Variants in WDR17 observed in about 807,000 individuals in gnomAD.
The protein encoded by WDR17 is WD repeat-containing protein 17.
WDR17 carries 143 observed loss-of-function variants against 161.7 expected under a neutral mutation model. The observed-to-expected ratio is 0.88, with a 90% CI of 0.77 to 1.02. The LOEUF (loss-of-function observed/expected upper bound fraction) is 1.02. Ranked by LOEUF, WDR17 falls within the 50% of genes least tolerant of loss-of-function variation. The probability of loss-of-function intolerance (pLI) is 0.00; values close to 1 mark genes in which losing one functional copy is unlikely to be tolerated. For synonymous variants in WDR17, 517 were observed against 515.6 expected (o/e 1.00, Z -0.04); for missense variants, 1,469 against 1,520.9 (o/e 0.97, Z 0.57).
rs1309846992 is a variant in WDR17 at position 176,150,294 on chromosome 4, T to A, written c.2178+121T>A. 2.0e-6 allele frequency: 3 copies of A among 1,480,006 alleles called. No homozygotes were observed. In the African/African-American group the frequency reaches 4.2e-5, roughly 21 times the overall value. 91.7% of individuals were successfully genotyped at this position (1,480,006 alleles called of 1,614,324 possible). On this transcript the variant is annotated intron_variant, in intron 15 of 28. Transcript: ENST00000508596. Reference sequence around the variant, plus strand: ...ATTCATTGGGTAACTCTTACCATAATCTGTGCACTATAAGAAAGCAAATGT... The same window carrying A: ...ATTCATTGGGTAACTCTTACCATAAACTGTGCACTATAAGAAAGCAAATGT...
chr4:176,150,028 A>G lies in WDR17; in HGVS notation c.2048-15A>G. The G allele has an allele frequency of 6.2e-7, 1 of 1,612,544 alleles. No individual in the cohort carries two copies. The highest frequency in any genetic ancestry group is 8.5e-7 in the Non-Finnish European group (1 of 1,179,576). ...ATGAGAAATCTTTTCTCACTGAATTATGTCTGTTCTTCAGATTATGCTATA... is the reference window on the plus strand; with the variant it reads ...ATGAGAAATCTTTTCTCACTGAATTGTGTCTGTTCTTCAGATTATGCTATA... On this transcript the variant is annotated splice_polypyrimidine_tract_variant and intron_variant, in intron 14 of 28. Transcript: ENST00000508596.
Position 176,115,926 on chromosome 4 carries a change from T to A in WDR17, c.254T>A (p.Ile85Asn), listed in dbSNP as rs770541830. The A allele has an allele frequency of 7.5e-6, 12 of 1,610,670 alleles. No individual in the cohort carries two copies. The highest frequency in any genetic ancestry group is 1.0e-5 in the Non-Finnish European group (12 of 1,178,222). Residue 85 changes from isoleucine (I) to asparagine (N), a missense_variant, in exon 3 of 29, where the codon ATC becomes AAC. By Grantham distance (149) the Ile-to-Asn change is moderately radical. Transcript: ENST00000508596. ...AGTGGCAGTACTGATAATTTAGTGA[T>A]CATTTGGAATGTTGCAGAACAAAAA... is the stretch of plus-strand genomic sequence containing the variant. ...FASGSTDNLV[I>N]IWNVAEQKVI...
rs191493936 is a variant in WDR17, at chr4:176,150,128, T to A, written c.2133T>A (p.Ala711=). 1 of 1,613,852 alleles carries A rather than the reference T, an allele frequency of 6.2e-7. No homozygotes were observed. Among genetic ancestry groups the A allele is most frequent in the African/African-American group, 1.3e-5 (1 of 75,048 alleles). Residue 711 remains alanine (A), a synonymous_variant, in exon 15 of 29, where the codon GCT becomes GCA. Transcript: ENST00000508596. ...DIRQEIEKLT[A]NSQVKKLRWF... ...GACAGGAAATAGAAAAACTAACTGC[T>A]AATTCTCAAGTGAAAAAACTAAGAT...
intron 1 of WDR17, among the ~76,000 whole-genome samples, chr4:176,071,183 C>A (rs1427188833): frequency 6.6e-6 from 1 of 151,728 alleles, no homozygotes; most frequent in Non-Finnish European, 1.5e-5. Context: ...TTTTGCCACA[C>A]CCTGTTGAAG....
intron 6 of WDR17, among the ~76,000 whole-genome samples, chr4:176,130,824 T>C (rs5016796): frequency 0.38 from 58,010 of 151,814 alleles, 11,481 homozygotes; most frequent in Non-Finnish European, 0.43. Context: ...TATAATTTAC[T>C]GTAGTGTCAT....
chr4:176,177,434 C>A, intron 27 of WDR17, 37 bp from the exon 28 acceptor site: 2 of 1,483,472 alleles, frequency 1.3e-6, no homozygotes, highest in South Asian at 2.9e-5. Context: ...TTCTGTGATT[C>A]GACAAAATGA....
Position 176,148,340 on chromosome 4 carries a change from A to C in WDR17, c.1897+5A>C. On this transcript the variant is annotated splice_donor_5th_base_variant and intron_variant, in intron 13 of 28. Transcript: ENST00000508596. ...ATCACGGTGCAGATGTATATGGTAG[A>C]GTGTCTTTCATTCTTTCATGTATTT... 6.2e-7 allele frequency: 1 copy of C among 1,611,466 alleles called. No homozygotes were observed. Among genetic ancestry groups the C allele is most frequent in the Non-Finnish European group, 8.5e-7 (1 of 1,178,284 alleles).
intron 25 of WDR17, among the ~76,000 whole-genome samples, chr4:176,173,717 A>G (rs1345481714): frequency 2.6e-5 from 4 of 151,824 alleles, no homozygotes. Context: ...GGGTTTTACC[A>G]TGTTGGCCAG....
intron 25 of WDR17, among the ~76,000 whole-genome samples, chr4:176,173,797 G>A (rs1751086041): frequency 6.6e-6 from 1 of 151,844 alleles, no homozygotes; most frequent in South Asian, 2.1e-4. Flanking sequence ...TTACAGGCAT[G>A]AGCCACTGCG....
At chr4:176,137,994 T>C (rs1744678682) in intron 9 of WDR17, among the ~76,000 whole-genome samples, 1 of 151,118 alleles carries the variant, frequency 6.6e-6, no homozygotes, top group African/African-American at 2.4e-5. Context: ...TAAAAAATGT[T>C]GAAGGTGGAT....
intron 6 of WDR17, among the ~76,000 whole-genome samples, chr4:176,129,630 T>C (rs1382799660): frequency 6.6e-6 from 1 of 152,162 alleles, no homozygotes; most frequent in African/African-American, 2.4e-5. Flanking sequence ...AGTGATTGTT[T>C]CCTTCTTACT....
At chr4:176,125,938 A>T (rs1364763690) in intron 5 of WDR17, among the ~76,000 whole-genome samples, 1 of 152,210 alleles carries the variant, frequency 6.6e-6, no homozygotes, top group East Asian at 1.9e-4. Context: ...CTGGTGAGGA[A>T]CTTTGTGCTG....
In WDR17 at chr4:176,177,167, A is replaced by G; in HGVS notation, c.3548+11A>G. 6.2e-7 allele frequency: 1 copy of G among 1,607,562 alleles called. No homozygotes were observed. Among genetic ancestry groups the G allele is most frequent in the Non-Finnish European group, 8.5e-7 (1 of 1,174,662 alleles). On this transcript the variant is annotated intron_variant, in intron 27 of 28. Coordinates refer to ENST00000508596, the MANE Select transcript of WDR17 (RefSeq NM_181265.4). ...ACAGTCCACCAACAGGTGAGCAAAT[A>G]TGATATAAAAATTGGAATGCAGAAG...
chr4:176,147,966 A>G (rs1328556237), intron 12 of WDR17, among the ~76,000 whole-genome samples, 167 bp from the exon 13 acceptor site: 6 of 152,180 alleles, frequency 3.9e-5, no homozygotes, highest in African/African-American at 1.2e-4. Flanking sequence ...ACATAAATAT[A>G]TACAATTATT....
intron 23 of WDR17, among the ~76,000 whole-genome samples, chr4:176,169,656 C>T (rs1438694358): frequency 6.6e-6 from 1 of 152,060 alleles, no homozygotes; most frequent in African/African-American, 2.4e-5. Context: ...TTTTTTATCC[C>T]TAGTGGGTGA....
intron 12 of WDR17, among the ~76,000 whole-genome samples, chr4:176,147,813 G>A (rs1468172333): frequency 1.3e-5 from 2 of 151,958 alleles, no homozygotes; most frequent in Non-Finnish European, 2.9e-5. Context: ...TAAAAGTCAA[G>A]AAGGAAAATA....
chr4:176,082,635 A>G (rs1734894983), intron 1 of WDR17, among the ~76,000 whole-genome samples: 1 of 152,156 alleles, frequency 6.6e-6, no homozygotes, highest in South Asian at 2.1e-4. Flanking sequence ...AATGGAAGAA[A>G]AAGGGTGAGC....
In WDR17 at chr4:176,072,703, T is replaced by C. The variant is rs527283047; in HGVS notation, c.-7+6624T>C. Among the ~76,000 whole-genome samples, 374 of 152,324 alleles carry C rather than the reference T, an allele frequency of 2.5e-3. 3 individuals carry two copies. Among genetic ancestry groups the C allele is most frequent in the African/African-American group, 8.8e-3 (365 of 41,558 alleles). ...ATGGATTATATGAGAAGACATATTT[T>C]TTGCATAGCTCCGAGCACATAGTAT... On this transcript the variant is annotated intron_variant, in intron 1 of 28. Transcript: ENST00000508596.
chr4:176,125,243 G>A lies in WDR17; in HGVS notation c.678G>A (p.Leu226=). ...LVVNLHYGIR[L]VDSESLSCIT... ...TTAATTTGCATTATGGAATTCGCCT[G>A]GTAGATTCTGAATCACTTTCTTGCA... is the stretch of plus-strand genomic sequence containing the variant. The change falls in exon 5 of 29, where the codon CTG becomes CTA. Residue 226 remains leucine, a synonymous_variant. Transcript: ENST00000508596. 1 of 1,614,106 alleles carries A rather than the reference G, an allele frequency of 6.2e-7. No homozygotes were observed. Among genetic ancestry groups the A allele is most frequent in the Non-Finnish European group, 8.5e-7 (1 of 1,180,008 alleles).
Sources: gnomAD v4.1 joint callset for allele counts (sites outside exome capture counted in the v4.1 genomes callset) on GRCh38, gnomAD v4.1.1 for gene constraint, MANE v1.5 for transcripts, NCBI Gene and HGNC (gene_info 2026-07-23, HGNC 2026-07-21) for gene names.